CRTAC1: variants seen among roughly 807,000 people sequenced by gnomAD.
CRTAC1 encodes acidic secreted protein in cartilage.
In CRTAC1, 37 loss-of-function variants were observed where a neutral mutation model predicts 67.8. The observed-to-expected ratio is 0.55, with a 90% CI of 0.42 to 0.72. The LOEUF is 0.72. Ranked by LOEUF, CRTAC1 falls within the 30% of genes least tolerant of loss-of-function variation. The probability of loss-of-function intolerance (pLI) is 0.00; values close to 1 mark genes in which losing one functional copy is unlikely to be tolerated. For missense variants in CRTAC1, 780 were observed against 931.6 expected (o/e 0.84, Z 2.12); for synonymous variants, 348 against 371.0 (o/e 0.94, Z 0.71).
chr10:97,865,488 C>G lies in CRTAC1; in HGVS notation c.*60G>C. ...CATCCCTACTGTCTAGGCAGCAGCACAAGCCCACTTTCCCACTCCCCTGCT... is the reference window on the plus strand; with the variant it reads ...CATCCCTACTGTCTAGGCAGCAGCAGAAGCCCACTTTCCCACTCCCCTGCT... On this transcript the variant is annotated 3_prime_UTR_variant, in exon 15 of 15. Transcript: ENST00000370597. The G allele has an allele frequency of 6.4e-7, 1 of 1,553,960 alleles. No homozygotes were observed. Among genetic ancestry groups the G allele is most frequent in the African/African-American group, 1.3e-5 (1 of 74,114 alleles).
chr10:98,020,978 A>G (rs1279440498), intron 1 of CRTAC1, among the ~76,000 whole-genome samples: 5 of 152,080 alleles, frequency 3.3e-5, no homozygotes, highest in African/African-American at 1.2e-4. Context: ...ACTGTGGCCC[A>G]AGTGAGCAAG....
At chr10:97,894,243 C>T (rs1373805919) in intron 11 of CRTAC1, among the ~76,000 whole-genome samples, 4 of 152,118 alleles carry the variant, frequency 2.6e-5, no homozygotes, top group Non-Finnish European at 5.9e-5. Flanking sequence ...AGGAGAGATC[C>T]AGTTTCTCTG....
intron 5 of CRTAC1, among the ~76,000 whole-genome samples, chr10:97,916,300 A>G (rs1330391600): frequency 2.0e-5 from 3 of 152,182 alleles, no homozygotes; most frequent in African/African-American, 7.2e-5. Context: ...CGGGGGAAAC[A>G]TAGTTTATTA....
At chr10:97,962,875 CA>C (rs1218828514) in intron 2 of CRTAC1, among the ~76,000 whole-genome samples, 1 of 149,204 alleles carries the variant, frequency 6.7e-6, no homozygotes, top group Non-Finnish European at 1.5e-5. Flanking sequence ...AAAAGAATAG[CA>C]AAAAAAACCA....
At chr10:97,958,029 T>G (rs1048461436) in intron 2 of CRTAC1, among the ~76,000 whole-genome samples, 2 of 152,144 alleles carry the variant, frequency 1.3e-5, no homozygotes, top group African/African-American at 2.4e-5. Context: ...CAGGGTCTTG[T>G]AAGCAGGATA....
intron 2 of CRTAC1, among the ~76,000 whole-genome samples, chr10:97,980,228 A>G (rs1198018332): frequency 6.6e-6 from 1 of 152,244 alleles, no homozygotes; most frequent in Non-Finnish European, 1.5e-5. Flanking sequence ...GTCGGTGCTC[A>G]ATGACTGTTA....
At chr10:97,952,538 C>CAAAAAAAAAAAAAAAAAAAAAAAAAAAA (rs397844653) in intron 2 of CRTAC1, among the ~76,000 whole-genome samples, 2 of 64,218 alleles carry the variant, frequency 3.1e-5, no homozygotes, top group Non-Finnish European at 5.5e-5. Context: ...AATTCCATCT[C>CAAAAAAAAAAAAAAAAAAAAAAAAAAAA]AAAAAAAAAA....
chr10:97,887,227 GTTT>G (rs71007369), intron 11 of CRTAC1, among the ~76,000 whole-genome samples: 14 of 127,958 alleles, frequency 1.1e-4, no homozygotes, highest in Admixed American at 9.4e-4. Flanking sequence ...CGGCACTTAG[GTTT>G]TTTTTTTTTT....
At position 97,950,152 on chromosome 10, in the gene CRTAC1, C is replaced by T. The variant is rs1247435116; in HGVS notation, c.225-13786G>A. Among the ~76,000 whole-genome samples the T allele has an allele frequency of 7.3e-5, 11 of 151,558 alleles. No homozygotes were observed. In the East Asian group the frequency reaches 1.4e-3, roughly 19 times the overall value. On this transcript the variant is annotated intron_variant, in intron 2 of 14. Transcript: ENST00000370597. ...CAGTTTCCTCATCTATAAAGTGGGG[C>T]TAACAATATTTGTCTTACCCCAAGG...
Position 97,906,946 on chromosome 10 carries a change from C to G in CRTAC1, c.850+1067G>C, listed in dbSNP as rs577542052. ...GGACCCTTGATCTCTGTGTCTAGAT[C>G]CCACTCACCACTCCTGCAGGCCAGA... On this transcript the variant is annotated intron_variant, in intron 6 of 14. Coordinates refer to ENST00000370597, the MANE Select transcript of CRTAC1 (RefSeq NM_018058.7). 3.9e-5 allele frequency among the ~76,000 whole-genome samples: 6 copies of G among 152,316 alleles called. No homozygotes were observed. In the East Asian group the frequency reaches 9.6e-4, roughly 24 times the overall value.
At chr10:98,000,782 A>C (rs1030865369) in intron 2 of CRTAC1, among the ~76,000 whole-genome samples, 39 of 152,350 alleles carry the variant, frequency 2.6e-4, no homozygotes, top group Middle Eastern at 3.4e-3. Flanking sequence ...GAAGAGAGAA[A>C]ATCATTGAAA....
At chr10:97,870,953 C>T (rs2050086968) in intron 14 of CRTAC1, 1 of 152,166 alleles carries the variant, frequency 6.6e-6, no homozygotes, top group Non-Finnish European at 1.5e-5. Flanking sequence ...GGTATGCAAC[C>T]CCCTAAAAAG....
At chr10:98,005,019 A>C (rs2136688090) in intron 2 of CRTAC1, among the ~76,000 whole-genome samples, 1 of 143,712 alleles carries the variant, frequency 7.0e-6, no homozygotes, top group South Asian at 2.2e-4. Context: ...TTTTACCTTG[A>C]CCTAGGTTGT....
rs1443269529 is a variant in CRTAC1 at position 98,030,043 on chromosome 10, AGCCT to A, written c.24+402_24+405del. 6.6e-6 allele frequency among the ~76,000 whole-genome samples: 1 copy of A among 151,606 alleles called. No homozygotes were observed. The highest frequency in any genetic ancestry group is 1.5e-5 in the Non-Finnish European group (1 of 67,856). The stretch of plus-strand genomic sequence containing the variant: ...CAGTGGCTTCCCAGGCCCGGGTCTC[AGCCT>A]GGCTGACTGGGAGACTCTCCCGATA... On this transcript the variant is annotated intron_variant, in intron 1 of 14. Coordinates refer to ENST00000370597, the MANE Select transcript of CRTAC1 (RefSeq NM_018058.7). This position sits in a 1 kb window ranked among gnomAD's most constrained non-coding sequence, Gnocchi z 4.2.
chr10:97,881,379 C>T (rs2050211993), intron 13 of CRTAC1, among the ~76,000 whole-genome samples: 1 of 152,194 alleles, frequency 6.6e-6, no homozygotes, highest in Admixed American at 6.5e-5. Context: ...AGAGTCTTCC[C>T]CCCGAGGCCC....
intron 8 of CRTAC1, among the ~76,000 whole-genome samples, chr10:97,898,654 G>A (rs2050493524): frequency 6.6e-6 from 1 of 152,172 alleles, no homozygotes; most frequent in South Asian, 2.1e-4. Context: ...GTTTTCGGTG[G>A]GAAAGGGGTG....
chr10:97,991,099 C>CCAAAA (rs1554932158), intron 2 of CRTAC1, among the ~76,000 whole-genome samples: 1 of 17,978 alleles, frequency 5.6e-5, no homozygotes, highest in African/African-American at 1.9e-4. Flanking sequence ...ACCATCTCTA[C>CCAAAA]AAAAAAAAAA....
intron 5 of CRTAC1, among the ~76,000 whole-genome samples, chr10:97,908,638 C>A (rs1373388475): frequency 6.6e-6 from 1 of 152,166 alleles, no homozygotes; most frequent in Admixed American, 6.5e-5. Flanking sequence ...GCTTACTTTG[C>A]TTTGTTTGAC....
At chr10:97,884,897 A>G (rs1386759489) in intron 11 of CRTAC1, among the ~76,000 whole-genome samples, 1 of 152,088 alleles carries the variant, frequency 6.6e-6, no homozygotes, top group African/African-American at 2.4e-5. Flanking sequence ...TGGGTGGGAG[A>G]CCTGGGGACA....
Sources: allele counts gnomAD v4.1 joint callset (sites outside exome capture counted in the v4.1 genomes callset), GRCh38; gene constraint gnomAD v4.1.1; non-coding constraint Gnocchi (gnomAD v3.1); transcripts MANE v1.5; gene names NCBI Gene and HGNC (gene_info 2026-07-23, HGNC 2026-07-21).